STIM1: variants seen among roughly 807,000 people sequenced by gnomAD.
STIM1 encodes stromal interaction molecule 1.
STIM1 carries 25 observed loss-of-function variants against 74.7 expected under a neutral mutation model. That is an observed-to-expected ratio of 0.33 (90% confidence interval 0.24 to 0.47). The LOEUF is 0.47. Among genes scored for constraint, STIM1 ranks in the 20% least tolerant of loss-of-function variants. STIM1 has a pLI of 1.00. For synonymous variants in STIM1, 328 were observed against 348.8 expected (o/e 0.94, Z 0.66); for missense variants, 728 against 920.8 (o/e 0.79, Z 2.71).
intron 1 of STIM1, among the ~76,000 whole-genome samples, chr11:3,934,840 C>G (rs1288155917): frequency 6.6e-6 from 1 of 152,222 alleles, no homozygotes; most frequent in Non-Finnish European, 1.5e-5. Context: ...CTGCTTTGCC[C>G]TTCACCTCAC....
intron 1 of STIM1, among the ~76,000 whole-genome samples, chr11:3,933,951 T>G (rs970959245): frequency 6.6e-6 from 1 of 152,214 alleles, no homozygotes; most frequent in African/African-American, 2.4e-5. Flanking sequence ...GCGTGGCTAC[T>G]GAAGTTGGTT....
chr11:3,859,274 G>A (rs993914222), intron 1 of STIM1, among the ~76,000 whole-genome samples: 47 of 152,286 alleles, frequency 3.1e-4, no homozygotes, highest in African/African-American at 9.4e-4. Flanking sequence ...TCTACAAGGA[G>A]GATCTCTCAC....
intron 1 of STIM1, among the ~76,000 whole-genome samples, chr11:3,909,142 C>CT (rs1212834432): frequency 6.6e-6 from 1 of 152,062 alleles, no homozygotes. Flanking sequence ...CCAAGGTATA[C>CT]TGGGGTATGA....
At chr11:4,041,545 T>A (rs1433050765) in intron 3 of STIM1, among the ~76,000 whole-genome samples, 1 of 152,130 alleles carries the variant, frequency 6.6e-6, no homozygotes, top group Non-Finnish European at 1.5e-5. Flanking sequence ...CCCATGGTCT[T>A]ACATCTAGTA....
chr11:4,071,993 C>A (rs1378485963), intron 6 of STIM1, among the ~76,000 whole-genome samples: 1 of 152,136 alleles, frequency 6.6e-6, no homozygotes, highest in African/African-American at 2.4e-5. Context: ...TGTTCTTGGG[C>A]CCTTTGCCAG....
intron 8 of STIM1, 122 bp from the exon 9 acceptor site, chr11:4,082,760 C>T: frequency 1.3e-6 from 1 of 779,642 alleles, no homozygotes; most frequent in South Asian, 1.6e-5. Flanking sequence ...TTTCTCTTCC[C>T]TTTCCTTGTA....
At chr11:3,915,782 A>T (rs535543103) in intron 1 of STIM1, among the ~76,000 whole-genome samples, 1 of 152,176 alleles carries the variant, frequency 6.6e-6, no homozygotes, top group African/African-American at 2.4e-5. Context: ...TTTGACCAGC[A>T]TGGTGGCTCA....
chr11:3,859,953 AT>A (rs1383596092), intron 1 of STIM1, among the ~76,000 whole-genome samples: 21 of 152,360 alleles, frequency 1.4e-4, no homozygotes, highest in African/African-American at 4.3e-4. Flanking sequence ...CTCATGTGGT[AT>A]TTATTAAACA....
chr11:3,862,915 A>G (rs940352137), intron 1 of STIM1, among the ~76,000 whole-genome samples: 4 of 152,022 alleles, frequency 2.6e-5, no homozygotes, highest in Admixed American at 2.6e-4. Context: ...TTTTTGAGGT[A>G]GAGTTTCGCT....
chr11:3,905,191 A>G (rs2092444765), intron 1 of STIM1, among the ~76,000 whole-genome samples: 1 of 151,990 alleles, frequency 6.6e-6, no homozygotes, highest in Non-Finnish European at 1.5e-5. Context: ...GTCATTGGTG[A>G]CCATGGTGAC....
At position 4,016,489 on chromosome 11, in the gene STIM1, C is replaced by G. The variant is rs570001425; in HGVS notation, c.271-7384C>G. Among the ~76,000 whole-genome samples, 224 of 152,336 alleles carry G rather than the reference C, an allele frequency of 1.5e-3. 2 individuals are homozygous for G. Among genetic ancestry groups the G allele is most frequent in the African/African-American group, 5.1e-3 (214 of 41,584 alleles). On this transcript the variant is annotated intron_variant, in intron 2 of 12. Coordinates refer to ENST00000526596, the MANE Select transcript of STIM1 (RefSeq NM_001382567.1). ...TCCCTACTGGGAGGTGTCTCCCAGT[C>G]AGGCTACACGGGTGTCAGGGACCCA...
intron 1 of STIM1, among the ~76,000 whole-genome samples, chr11:3,895,671 T>TTTCTTTCTTTCCTTCCTTCC (rs2092072574): frequency 2.3e-5 from 1 of 43,344 alleles, no homozygotes; most frequent in Non-Finnish European, 4.2e-5. Flanking sequence ...TCTTTCTTTC[T>TTTCTTTCTTTCCTTCCTTCC]TTCCTTCCTT....
chr11:3,928,306 A>G (rs970670113), intron 1 of STIM1, among the ~76,000 whole-genome samples: 1 of 151,000 alleles, frequency 6.6e-6, no homozygotes, highest in Non-Finnish European at 1.5e-5. Flanking sequence ...GCTCAGTGCA[A>G]CCTCTGCCAC....
chr11:4,008,366 A>G (rs888763328), intron 2 of STIM1, among the ~76,000 whole-genome samples: 1 of 152,158 alleles, frequency 6.6e-6, no homozygotes, highest in Non-Finnish European at 1.5e-5. Flanking sequence ...TCATAAGTGA[A>G]TGACATATAA....
intron 1 of STIM1, among the ~76,000 whole-genome samples, chr11:3,934,872 G>T (rs1453396782): frequency 6.6e-6 from 1 of 152,202 alleles, no homozygotes; most frequent in East Asian, 1.9e-4. Context: ...AAGTCCCTGG[G>T]CTTGACCCAA....
At chr11:4,074,387 A>C in intron 6 of STIM1, 115 bp from the exon 7 acceptor site, 5 of 1,244,584 alleles carry the variant, frequency 4.0e-6, no homozygotes, top group Non-Finnish European at 5.8e-6. Flanking sequence ...CAGAGCAGGG[A>C]GAATATATGC....
intron 12 of STIM1, among the ~76,000 whole-genome samples, chr11:4,090,029 G>A (rs2094514609): frequency 6.6e-6 from 1 of 152,122 alleles, no homozygotes; most frequent in Non-Finnish European, 1.5e-5. Context: ...TCCTTAAAGG[G>A]TCTCAAGTTC....
intron 2 of STIM1, among the ~76,000 whole-genome samples, chr11:4,003,561 A>G (rs1359519676): frequency 2.8e-4 from 43 of 152,100 alleles, no homozygotes; most frequent in African/African-American, 9.6e-4. Flanking sequence ...AAAACTCTCA[A>G]TAAATTAGGT....
At chr11:3,966,806 G>T (rs1306045421) in intron 1 of STIM1, among the ~76,000 whole-genome samples, 1 of 152,220 alleles carries the variant, frequency 6.6e-6, no homozygotes, top group African/African-American at 2.4e-5. Flanking sequence ...TTCCAGGCTT[G>T]TAAGAGAGGA....
Sources: gnomAD v4.1 joint callset for allele counts (sites outside exome capture counted in the v4.1 genomes callset) on GRCh38, gnomAD v4.1.1 for gene constraint, MANE v1.5 for transcripts, NCBI Gene and HGNC (gene_info 2026-07-23, HGNC 2026-07-21) for gene names.